NAV3: variants seen among roughly 807,000 people sequenced by gnomAD.
The protein encoded by NAV3 is neuron navigator 3.
Under a neutral mutation model 244.7 loss-of-function variants are expected in NAV3, and 87 were observed. The observed-to-expected ratio is 0.36, with a 90% CI of 0.30 to 0.42. NAV3 has a LOEUF of 0.42. Among genes scored for constraint, NAV3 ranks in the 20% least tolerant of loss-of-function variants. The pLI, the probability that NAV3 is intolerant of heterozygous loss-of-function variation, is 1.00. For missense variants in NAV3, 2,663 were observed against 2,893.3 expected (o/e 0.92, Z 1.83); for synonymous variants, 1,126 against 1,042.2 (o/e 1.08, Z -1.55).
At chr12:77,922,120 C>T (rs911095453) in intron 1 of NAV3, among the ~76,000 whole-genome samples, 1 of 152,118 alleles carries the variant, frequency 6.6e-6, no homozygotes, top group African/African-American at 2.4e-5. Context: ...GAAGCTACCT[C>T]CTTGGTCAGC....
chr12:77,619,264 A>G (rs746777415), intron 2 of NAV3, among the ~76,000 whole-genome samples: 1 of 152,204 alleles, frequency 6.6e-6, no homozygotes, highest in Non-Finnish European at 1.5e-5. Context: ...ATCGGAAGCC[A>G]TGAAGCTTCC....
chr12:78,081,177 C>A (rs1459922321), intron 12 of NAV3, among the ~76,000 whole-genome samples: 1 of 152,142 alleles, frequency 6.6e-6, no homozygotes, highest in Non-Finnish European at 1.5e-5. Flanking sequence ...CCTCTAGCAT[C>A]TTATGAACTA....
Position 77,831,854 on chromosome 12 carries a change from T to C in NAV3, c.243+150T>C, listed in dbSNP as rs369414962. On this transcript the variant is annotated intron_variant, in intron 1 of 39. Coordinates refer to ENST00000397909, the MANE Select transcript of NAV3 (RefSeq NM_001024383.2). ...TATAATGGCTGAAAAGCTGAATATTTAGCTTATGTAAACACTGTATTCTTA... is the reference window on the plus strand; with the variant it reads ...TATAATGGCTGAAAAGCTGAATATTCAGCTTATGTAAACACTGTATTCTTA... The C allele has an allele frequency of 9.6e-5, 88 of 912,666 alleles. No homozygotes were observed. The South Asian group carries it at 1.1e-3, about 12-fold the overall frequency. 56.5% of individuals were successfully genotyped at this position (912,666 alleles called of 1,614,324 possible).
chr12:78,184,504 A>G (rs1958630072), intron 30 of NAV3, among the ~76,000 whole-genome samples: 1 of 151,868 alleles, frequency 6.6e-6, no homozygotes, highest in Admixed American at 6.6e-5. Context: ...TGATTTAAAA[A>G]TTTATTGCAA....
intron 2 of NAV3, among the ~76,000 whole-genome samples, chr12:77,795,834 C>G (rs1298292856): frequency 6.6e-6 from 1 of 152,126 alleles, no homozygotes; most frequent in Non-Finnish European, 1.5e-5. Flanking sequence ...ACAACAAAGC[C>G]TGGATGGCAG....
At chr12:77,663,491 T>G (rs1449713170) in intron 2 of NAV3, among the ~76,000 whole-genome samples, 1 of 151,398 alleles carries the variant, frequency 6.6e-6, no homozygotes, top group African/African-American at 2.4e-5. Context: ...TTATACTACA[T>G]ATAAAGCAGT....
intron 1 of NAV3, among the ~76,000 whole-genome samples, chr12:77,925,538 G>C (rs200606722): frequency 1.6e-5 from 2 of 121,596 alleles, no homozygotes; most frequent in Admixed American, 8.4e-5. Flanking sequence ...GGATGAAAAG[G>C]CGGGGGGAGG....
chr12:77,619,883 A>T (rs7312302), intron 2 of NAV3, among the ~76,000 whole-genome samples: 8,189 of 149,510 alleles, frequency 0.055, 324 homozygotes, highest in African/African-American at 0.11. Flanking sequence ...TCTCTCTCTC[A>T]CACACACACA....
intron 2 of NAV3, among the ~76,000 whole-genome samples, chr12:77,580,777 G>C (rs533180373): frequency 6.6e-6 from 1 of 152,234 alleles, no homozygotes; most frequent in South Asian, 2.1e-4. Context: ...AGTGAGATAA[G>C]GAATGTAAAA....
chr12:77,882,155 C>G (rs955636310), intron 1 of NAV3, among the ~76,000 whole-genome samples: 1 of 152,150 alleles, frequency 6.6e-6, no homozygotes, highest in African/African-American at 2.4e-5. Flanking sequence ...CAGAAGGCAT[C>G]ACACTACATG....
At chr12:77,980,903 C>A (rs768191988) in intron 5 of NAV3, among the ~76,000 whole-genome samples, 5 of 152,178 alleles carry the variant, frequency 3.3e-5, no homozygotes, top group Non-Finnish European at 5.9e-5. Flanking sequence ...ACACAGGCCT[C>A]TCCCTCTTTA....
intron 2 of NAV3, among the ~76,000 whole-genome samples, chr12:77,800,170 C>T (rs941954174): frequency 6.6e-6 from 1 of 152,078 alleles, no homozygotes; most frequent in Non-Finnish European, 1.5e-5. Context: ...ACTTGGCAGC[C>T]ACTTTTAAGA....
intron 1 of NAV3, among the ~76,000 whole-genome samples, chr12:77,840,624 T>G (rs1875474776): frequency 6.6e-6 from 1 of 152,172 alleles, no homozygotes; most frequent in Admixed American, 6.5e-5. Flanking sequence ...TAGTTGGAAG[T>G]GATAATTTGT....
chr12:77,850,679 TTCTC>T (rs768382268), intron 1 of NAV3, among the ~76,000 whole-genome samples: 3 of 152,274 alleles, frequency 2.0e-5, no homozygotes, highest in Middle Eastern at 3.4e-3. Flanking sequence ...TCTATGAAGT[TTCTC>T]TCTTTCTTTC....
chr12:77,805,516 C>T (rs1481722226), intron 2 of NAV3, among the ~76,000 whole-genome samples: 28 of 152,166 alleles, frequency 1.8e-4, no homozygotes, highest in Non-Finnish European at 5.9e-5. Flanking sequence ...AGGGATGAAA[C>T]CGACTTGATC....
At chr12:78,178,864 A>G (rs940335352) in intron 28 of NAV3, among the ~76,000 whole-genome samples, 5 of 152,172 alleles carry the variant, frequency 3.3e-5, no homozygotes, top group African/African-American at 1.2e-4. Context: ...ATAAAAACAC[A>G]ACAAGGATAC....
intron 9 of NAV3, chr12:78,037,267 G>A: frequency 1.4e-6 from 1 of 703,032 alleles, no homozygotes; most frequent in South Asian, 1.5e-5. Flanking sequence ...AGCATCAGCA[G>A]AAGCTGGGCT....
chr12:77,676,009 C>T (rs185840332), intron 2 of NAV3, among the ~76,000 whole-genome samples: 33 of 152,232 alleles, frequency 2.2e-4, no homozygotes, highest in Admixed American at 7.2e-4. Flanking sequence ...AGTTCCTCAC[C>T]CACCAGAAGG....
At position 78,107,989 on chromosome 12, in the gene NAV3, T is replaced by C. The variant is rs74632676; in HGVS notation, c.2637-8783T>C. Among the ~76,000 whole-genome samples the C allele has an allele frequency of 5.2e-3, 785 of 152,198 alleles. 11 individuals are homozygous for C. The highest frequency in any genetic ancestry group is 0.018 in the African/African-American group (749 of 41,532). On this transcript the variant is annotated intron_variant, in intron 12 of 39. Transcript: ENST00000397909. ...AGTAATCACTTTGAATGTAAATGAA[T>C]TACATTCTCCACCTAAACGTTATGA...
Sources: allele counts gnomAD v4.1 joint callset (sites outside exome capture counted in the v4.1 genomes callset), GRCh38; gene constraint gnomAD v4.1.1; transcripts MANE v1.5; gene names NCBI Gene and HGNC (gene_info 2026-07-23, HGNC 2026-07-21).